Variants in SYT1 observed in about 807,000 individuals in gnomAD.
The protein encoded by SYT1 is synaptotagmin 1, also known as synaptotagmin-1.
A neutral mutation model predicts 44.8 loss-of-function variants in SYT1; 8 were observed. That is an observed-to-expected ratio of 0.18 (90% confidence interval 0.10 to 0.32). SYT1 has a LOEUF of 0.32. Among genes scored for constraint, SYT1 ranks in the 10% least tolerant of loss-of-function variants. SYT1 has a pLI of 1.00. For missense variants in SYT1, 286 were observed against 509.3 expected (o/e 0.56, Z 4.22); for synonymous variants, 154 against 188.8 (o/e 0.82, Z 1.51).
At chr12:79,166,767 G>C (rs1199782434) in intron 3 of SYT1, among the ~76,000 whole-genome samples, 1 of 152,014 alleles carries the variant, frequency 6.6e-6, no homozygotes, top group Non-Finnish European at 1.5e-5. Flanking sequence ...TACAAATGTT[G>C]GTTGGATTAT....
intron 3 of SYT1, among the ~76,000 whole-genome samples, chr12:79,214,312 G>C (rs1874646861): frequency 6.6e-6 from 1 of 152,014 alleles, no homozygotes; most frequent in African/African-American, 2.4e-5. Context: ...GCTGGTAAGA[G>C]TTAAAAGCTT....
At chr12:78,916,044 G>C (rs541547013) in intron 1 of SYT1, among the ~76,000 whole-genome samples, 7 of 152,080 alleles carry the variant, frequency 4.6e-5, no homozygotes, top group African/African-American at 1.7e-4. Context: ...ATGAAATTTA[G>C]TCTTATTTTA....
chr12:79,272,467 T>A (rs1878481554), intron 4 of SYT1, among the ~76,000 whole-genome samples: 1 of 152,184 alleles, frequency 6.6e-6, no homozygotes, highest in Non-Finnish European at 1.5e-5. Context: ...TGGCAAAGCT[T>A]ACCAACCAGT....
chr12:79,128,017 G>A (rs1868552838), intron 3 of SYT1, among the ~76,000 whole-genome samples: 1 of 152,244 alleles, frequency 6.6e-6, no homozygotes, highest in South Asian at 2.1e-4. Flanking sequence ...ATAGATGAGT[G>A]GATAAGTAGG....
intron 9 of SYT1, among the ~76,000 whole-genome samples, chr12:79,440,157 G>A (rs1870327865): frequency 6.6e-6 from 1 of 152,198 alleles, no homozygotes; most frequent in Non-Finnish European, 1.5e-5. Flanking sequence ...GGCAGAGGTT[G>A]CAGTGAGCCA....
At chr12:78,919,439 T>C (rs1050607008) in intron 1 of SYT1, among the ~76,000 whole-genome samples, 1 of 152,074 alleles carries the variant, frequency 6.6e-6, no homozygotes, top group Non-Finnish European at 1.5e-5. Flanking sequence ...ACTCTTCCAC[T>C]TGACAATCGA....
intron 4 of SYT1, among the ~76,000 whole-genome samples, chr12:79,242,969 G>A (rs1416630110): frequency 6.6e-6 from 1 of 152,192 alleles, no homozygotes; most frequent in African/African-American, 2.4e-5. Flanking sequence ...CCATATGGCT[G>A]GAGAAGCCTC....
intron 3 of SYT1, among the ~76,000 whole-genome samples, chr12:79,182,786 C>G (rs1467277247): frequency 6.6e-6 from 1 of 152,036 alleles, no homozygotes; most frequent in Non-Finnish European, 1.5e-5. Context: ...ATTAGTGTGT[C>G]TAAACTGTGC....
chr12:79,266,468 G>A (rs1878133479), intron 4 of SYT1, among the ~76,000 whole-genome samples: 1 of 152,112 alleles, frequency 6.6e-6, no homozygotes, highest in Non-Finnish European at 1.5e-5. Context: ...ACCTACAATA[G>A]CAAGAGTCAT....
chr12:78,974,119 T>C (rs1361187427), intron 1 of SYT1, among the ~76,000 whole-genome samples: 1 of 150,518 alleles, frequency 6.6e-6, no homozygotes, highest in South Asian at 2.1e-4. Context: ...ATAGGCTAGA[T>C]GGTATAGCCT....
chr12:79,146,376 C>G (rs1401343221), intron 3 of SYT1, among the ~76,000 whole-genome samples: 1 of 152,210 alleles, frequency 6.6e-6, no homozygotes, highest in African/African-American at 2.4e-5. Flanking sequence ...TTTCCCTGTA[C>G]TGTCTCATTC....
intron 3 of SYT1, among the ~76,000 whole-genome samples, chr12:79,212,409 A>C (rs1336324918): frequency 6.6e-6 from 1 of 151,632 alleles, no homozygotes; most frequent in African/African-American, 2.4e-5. Context: ...TACCTAATGC[A>C]TGTGGTGCTT....
In SYT1 at chr12:79,245,658, C is replaced by G. The variant is rs574229951; in HGVS notation, c.166+27973C>G. 2.0e-5 allele frequency among the ~76,000 whole-genome samples: 3 copies of G among 152,064 alleles called. No homozygotes were observed. The South Asian group carries it at 6.2e-4, about 32-fold the overall frequency. On this transcript the variant is annotated intron_variant, in intron 4 of 10. Coordinates refer to ENST00000261205, the MANE Select transcript of SYT1 (RefSeq NM_005639.3). ...AATTTTGTTAATTCTGAGACCAAAG[C>G]AAGCTGTTCTGGGGAGCAACTCAGG...
intron 3 of SYT1, among the ~76,000 whole-genome samples, chr12:79,126,521 A>G (rs1868450353): frequency 6.6e-6 from 1 of 152,284 alleles, no homozygotes; most frequent in South Asian, 2.1e-4. Context: ...AGCCTCCCAA[A>G]GTGCTGAGAT....
chr12:79,269,758 C>A (rs1190908281), intron 4 of SYT1, among the ~76,000 whole-genome samples: 1 of 152,024 alleles, frequency 6.6e-6, no homozygotes, highest in Non-Finnish European at 1.5e-5. Context: ...GAGTCCACAA[C>A]TTTTATCATA....
intron 1 of SYT1, among the ~76,000 whole-genome samples, chr12:78,913,895 T>C (rs1440155944): frequency 6.6e-6 from 1 of 151,826 alleles, no homozygotes; most frequent in East Asian, 1.9e-4. Flanking sequence ...AGGAGTCTCA[T>C]AAAAATTTAA....
At chr12:79,220,858 A>G (rs898503030) in intron 4 of SYT1, among the ~76,000 whole-genome samples, 1 of 152,136 alleles carries the variant, frequency 6.6e-6, no homozygotes, top group Non-Finnish European at 1.5e-5. Flanking sequence ...CATACGATCT[A>G]TTCTGAGGAA....
At chr12:78,972,134 C>T (rs1281697826) in intron 1 of SYT1, among the ~76,000 whole-genome samples, 1 of 152,098 alleles carries the variant, frequency 6.6e-6, no homozygotes, top group Admixed American at 6.5e-5. Flanking sequence ...GTGAAAGTCT[C>T]GCTCTTCTAT....
At chr12:79,437,788 A>G (rs1440912779) in intron 9 of SYT1, among the ~76,000 whole-genome samples, 3 of 152,206 alleles carry the variant, frequency 2.0e-5, no homozygotes, top group South Asian at 4.1e-4. Context: ...AGAGGTAGCA[A>G]TAATATTGGA....
Sources: allele counts gnomAD v4.1 joint callset (sites outside exome capture counted in the v4.1 genomes callset), GRCh38; gene constraint gnomAD v4.1.1; transcripts MANE v1.5; gene names NCBI Gene and HGNC (gene_info 2026-07-23, HGNC 2026-07-21).